AFG2A: variants seen among roughly 807,000 people sequenced by gnomAD.
AFG2A encodes the protein ATPase family gene 2 protein homolog A.
At chr4:123,270,836 G>C in the AFG2A span, among the ~76,000 whole-genome samples, 1 of 152,242 alleles carries the variant, frequency 6.6e-6, no homozygotes, top group Non-Finnish European at 1.5e-5. Context: ...TATCTTCTTA[G>C]GTTCAACCTA....
chr4:123,234,413 C>T, the AFG2A span, among the ~76,000 whole-genome samples: 1 of 152,044 alleles, frequency 6.6e-6, no homozygotes, highest in Admixed American at 6.6e-5. Context: ...GCACTAATTA[C>T]CATAGTAAAG....
At chr4:123,057,665 A>G in the AFG2A span, among the ~76,000 whole-genome samples, 2 of 152,204 alleles carry the variant, frequency 1.3e-5, no homozygotes, top group Non-Finnish European at 2.9e-5. Context: ...AAAATTATAA[A>G]ATACGTTACA....
the AFG2A span, among the ~76,000 whole-genome samples, chr4:123,217,527 A>T: frequency 6.6e-6 from 1 of 152,192 alleles, no homozygotes; most frequent in Non-Finnish European, 1.5e-5. Context: ...GTATATACAG[A>T]GGAGAATTCT....
chr4:123,224,652 A>G, the AFG2A span, among the ~76,000 whole-genome samples: 7 of 139,158 alleles, frequency 5.0e-5, no homozygotes, highest in African/African-American at 2.4e-4. Flanking sequence ...GCTATTGTGA[A>G]TAGTGCCGCA....
chr4:123,154,098 T>C, the AFG2A span, among the ~76,000 whole-genome samples: 1 of 152,220 alleles, frequency 6.6e-6, no homozygotes, highest in South Asian at 2.1e-4. Context: ...TGAGAAATGA[T>C]ACCAAGTTCT....
At chr4:123,130,227 G>A in the AFG2A span, among the ~76,000 whole-genome samples, 1 of 152,020 alleles carries the variant, frequency 6.6e-6, no homozygotes, top group African/African-American at 2.4e-5. Flanking sequence ...ATGTTGCTGA[G>A]GCTGGTTTCA....
At chr4:123,055,443 A>G in the AFG2A span, among the ~76,000 whole-genome samples, 1 of 152,104 alleles carries the variant, frequency 6.6e-6, no homozygotes, top group African/African-American at 2.4e-5. Context: ...ACAGTATGCT[A>G]ATTTTCCTTG....
At chr4:122,925,506 C>T in the AFG2A span, among the ~76,000 whole-genome samples, 10 of 152,136 alleles carry the variant, frequency 6.6e-5, no homozygotes, top group African/African-American at 2.2e-4. Context: ...ATGTCTCCAC[C>T]ACTCTGCCTA....
the AFG2A span, among the ~76,000 whole-genome samples, chr4:123,213,119 G>C: frequency 6.6e-6 from 1 of 152,018 alleles, no homozygotes; most frequent in African/African-American, 2.4e-5. Flanking sequence ...CAAATAAGTA[G>C]TTTTATTTTC....
chr4:122,931,214 A>G, the AFG2A span, among the ~76,000 whole-genome samples: 243 of 152,320 alleles, frequency 1.6e-3, no homozygotes, highest in African/African-American at 5.2e-3. Flanking sequence ...AACTTGGTTT[A>G]GAGTTCCATA....
chr4:123,240,046 G>C, the AFG2A span, among the ~76,000 whole-genome samples: 12 of 152,126 alleles, frequency 7.9e-5, no homozygotes, highest in South Asian at 1.4e-3. Context: ...TGATAAAGCA[G>C]GCTTTAAACC....
At chr4:123,257,030 T>C in the AFG2A span, among the ~76,000 whole-genome samples, 1 of 152,178 alleles carries the variant, frequency 6.6e-6, no homozygotes, top group African/African-American at 2.4e-5. Flanking sequence ...TCTGAATTAC[T>C]CAGTAGGCTA....
the AFG2A span, among the ~76,000 whole-genome samples, chr4:122,924,937 G>T: frequency 6.6e-6 from 1 of 152,032 alleles, no homozygotes; most frequent in African/African-American, 2.4e-5. Flanking sequence ...TTATTCTCCT[G>T]TTTTGTACTT....
chr4:123,013,603 GGGGC>G, the AFG2A span, among the ~76,000 whole-genome samples: 1 of 152,060 alleles, frequency 6.6e-6, no homozygotes, highest in Non-Finnish European at 1.5e-5. Context: ...TCGGGGTTGG[GGGGC>G]AAGGGAAGGG....
At chr4:122,923,866 G>T in the AFG2A span, among the ~76,000 whole-genome samples, 3 of 152,180 alleles carry the variant, frequency 2.0e-5, no homozygotes, top group Admixed American at 2.0e-4. Flanking sequence ...GAAAGTTAAC[G>T]TGATTCCATT....
the AFG2A span, among the ~76,000 whole-genome samples, chr4:123,274,370 G>A: frequency 6.6e-6 from 1 of 151,140 alleles, no homozygotes; most frequent in African/African-American, 2.4e-5. Flanking sequence ...TAAAAACTCT[G>A]ATTTTTTTTT....
At chr4:123,244,507 C>T in the AFG2A span, among the ~76,000 whole-genome samples, 3 of 152,248 alleles carry the variant, frequency 2.0e-5, no homozygotes, top group South Asian at 2.1e-4. Flanking sequence ...CTGTGGTGCC[C>T]GTTCAAGTTA....
At chr4:123,200,804 A>G in the AFG2A span, among the ~76,000 whole-genome samples, 12 of 152,240 alleles carry the variant, frequency 7.9e-5, no homozygotes, top group South Asian at 2.5e-3. Context: ...TTACCTTCAA[A>G]AAGTAAATAA....
the AFG2A span, among the ~76,000 whole-genome samples, chr4:123,282,162 T>C: frequency 6.6e-6 from 1 of 152,146 alleles, no homozygotes; most frequent in Non-Finnish European, 1.5e-5. Flanking sequence ...ATGCCCAGTT[T>C]TACTGTGAAC....
Sources: gnomAD v4.1 joint callset for allele counts (sites outside exome capture counted in the v4.1 genomes callset) on GRCh38, gnomAD v4.1.1 for gene constraint, MANE v1.5 for transcripts, NCBI Gene and HGNC (gene_info 2026-07-23, HGNC 2026-07-21) for gene names.